The following PI4KA variants were observed in gnomAD, a reference collection of about 807,000 sequenced individuals.
The protein encoded by PI4KA is PI4-kinase alpha.
In PI4KA, 122 loss-of-function variants were observed where a neutral mutation model predicts 271.4. The ratio of observed to expected loss-of-function variants is 0.45; its 90% CI spans 0.39 to 0.52. The LOEUF (loss-of-function observed/expected upper bound fraction) is 0.52. Ranked by LOEUF, PI4KA falls within the 20% of genes least tolerant of loss-of-function variation. PI4KA has a pLI of 0.00. For synonymous variants in PI4KA, 1,041 were observed against 1,078.8 expected (o/e 0.96, Z 0.69); for missense variants, 1,969 against 2,769.1 (o/e 0.71, Z 6.48).
At chr22:20,827,733 T>C (rs1166699940) in intron 3 of PI4KA, among the ~76,000 whole-genome samples, 1 of 152,160 alleles carries the variant, frequency 6.6e-6, no homozygotes, top group Non-Finnish European at 1.5e-5. Flanking sequence ...CTTTCAGCAG[T>C]ATTTTGTAAT....
At chr22:20,769,573 GC>G in intron 19 of PI4KA, among the ~76,000 whole-genome samples, 1 of 152,046 alleles carries the variant, frequency 6.6e-6, no homozygotes, top group East Asian at 1.9e-4. Flanking sequence ...GGAGGCTGAA[GC>G]AGGAGAATCG....
intron 19 of PI4KA, among the ~76,000 whole-genome samples, chr22:20,770,987 T>C (rs1474080197): frequency 6.6e-6 from 1 of 152,080 alleles, no homozygotes; most frequent in Non-Finnish European, 1.5e-5. Flanking sequence ...CAAGACCAAC[T>C]TGGCCAACAT....
chr22:20,797,656 A>T (rs1409430883), intron 17 of PI4KA, among the ~76,000 whole-genome samples: 1 of 152,108 alleles, frequency 6.6e-6, no homozygotes, highest in African/African-American at 2.4e-5. Flanking sequence ...ATGCAATCTC[A>T]TTCCCAACTG....
intron 11 of PI4KA, 110 bp downstream of exon 11, chr22:20,804,864 G>T: frequency 1.1e-6 from 1 of 872,042 alleles, no homozygotes; most frequent in Non-Finnish European, 1.8e-6. Flanking sequence ...GCAACTGCCT[G>T]TGCTGGTAAC....
At chr22:20,739,891 T>C (rs1167364142) in intron 32 of PI4KA, among the ~76,000 whole-genome samples, 2 of 151,932 alleles carry the variant, frequency 1.3e-5, no homozygotes, top group Non-Finnish European at 2.9e-5. Flanking sequence ...GGTGAAACCC[T>C]GTCTGTACAA....
At chr22:20,832,116 CTTTT>C (rs1350841437) in intron 3 of PI4KA, among the ~76,000 whole-genome samples, 3 of 132,412 alleles carry the variant, frequency 2.3e-5, no homozygotes, top group Non-Finnish European at 1.6e-5. Context: ...TTTTGAAATT[CTTTT>C]TTTTTTTTTT....
chr22:20,725,697 C>A (rs1298874372), intron 42 of PI4KA: 1 of 323,116 alleles, frequency 3.1e-6, no homozygotes, highest in South Asian at 2.4e-5. Context: ...GAGTTTGAGA[C>A]CAGCCTGGGA....
At chr22:20,793,977 G>A (rs935556492) in intron 18 of PI4KA, among the ~76,000 whole-genome samples, 5 of 152,190 alleles carry the variant, frequency 3.3e-5, no homozygotes, top group African/African-American at 9.7e-5. Flanking sequence ...TCAGTGCTTC[G>A]CATGCACTAA....
rs570522148 is a variant in PI4KA, at chr22:20,764,172, G to A, written c.2708+645C>T. Among the ~76,000 whole-genome samples the A allele has an allele frequency of 1.9e-3, 287 of 152,272 alleles. 2 individuals are homozygous for A. The highest frequency in any genetic ancestry group is 6.6e-3 in the African/African-American group (274 of 41,544). On this transcript the variant is annotated intron_variant, in intron 22 of 54. Coordinates refer to ENST00000255882, the MANE Select transcript of PI4KA (RefSeq NM_058004.4). ...ATGTACTCAGCTGCTGTCCCAGGGC[G>A]CCTGAGGCCTCAGCACAGTGGGTCT...
chr22:20,849,227 C>A (rs1056025029), intron 1 of PI4KA, among the ~76,000 whole-genome samples: 1 of 152,096 alleles, frequency 6.6e-6, no homozygotes, highest in Admixed American at 6.5e-5. Flanking sequence ...AGAAAACAAG[C>A]CCTCTGTACA....
intron 32 of PI4KA, among the ~76,000 whole-genome samples, chr22:20,741,290 G>C (rs1238816301): frequency 6.6e-6 from 1 of 152,296 alleles, no homozygotes; most frequent in South Asian, 2.1e-4. Flanking sequence ...CTAGGATGCA[G>C]GTGCTCTTGT....
chr22:20,731,218 C>T (rs536468232), intron 36 of PI4KA, among the ~76,000 whole-genome samples: 75 of 152,202 alleles, frequency 4.9e-4, no homozygotes, highest in African/African-American at 1.7e-3. Context: ...AAACAAATAT[C>T]ATAATTTTCT....
At position 20,828,624 on chromosome 22, in the gene PI4KA, G is replaced by A. The variant is rs1401127220; in HGVS notation, c.368-4210C>T. ...GATTGGAGTGCGGTGGCGTGATCTC[G>A]GCTCACTGCAACCTCTGCCTCCCGG... On this transcript the variant is annotated intron_variant, in intron 3 of 54. Transcript: ENST00000255882. Among the ~76,000 whole-genome samples the A allele has an allele frequency of 3.9e-5, 6 of 151,914 alleles. No homozygotes were observed. In the East Asian group the frequency reaches 7.8e-4, roughly 20 times the overall value.
At chr22:20,831,434 G>A (rs1020765745) in intron 3 of PI4KA, among the ~76,000 whole-genome samples, 2 of 152,082 alleles carry the variant, frequency 1.3e-5, no homozygotes, top group African/African-American at 4.8e-5. Context: ...GGGCATGGTG[G>A]TGTGTGCCTG....
intron 4 of PI4KA, among the ~76,000 whole-genome samples, chr22:20,821,048 G>A (rs1038333910): frequency 1.1e-4 from 16 of 152,184 alleles, no homozygotes; most frequent in African/African-American, 2.9e-4. Context: ...GTCTGGAAGT[G>A]TAGTGCTCAG....
In PI4KA at chr22:20,838,805, C is replaced by T. The variant is rs571916837; in HGVS notation, c.157-74G>A. Reference sequence around the variant, plus strand: ...CATTCAAAATAAAGCAAGCTGAGTGCAGTGTCATATGCCTGCAGTACCAGC... The same window carrying T: ...CATTCAAAATAAAGCAAGCTGAGTGTAGTGTCATATGCCTGCAGTACCAGC... On this transcript the variant is annotated intron_variant, in intron 1 of 54. Transcript: ENST00000255882. The T allele has an allele frequency of 2.1e-5, 18 of 862,012 alleles. 1 individual carries two copies. In the African/African-American group the frequency reaches 2.4e-4, roughly 11 times the overall value. The allele number at this position is 862,012 out of a possible 1,614,324, so 53.4% of individuals were successfully genotyped here. A position where few individuals can be genotyped will look rare whatever the true frequency, so the allele number is the denominator to read the frequency against.
intron 4 of PI4KA, among the ~76,000 whole-genome samples, chr22:20,821,249 G>A (rs1226138220): frequency 3.3e-5 from 5 of 152,122 alleles, no homozygotes; most frequent in Admixed American, 1.3e-4. Flanking sequence ...ACGAAGTTTC[G>A]CTCTTGTTGC....
intron 12 of PI4KA, among the ~76,000 whole-genome samples, chr22:20,803,767 C>A (rs1397833848): frequency 6.6e-6 from 1 of 152,224 alleles, no homozygotes; most frequent in Non-Finnish European, 1.5e-5. Context: ...ATCCTCCCAC[C>A]TCTGCCTCCC....
In PI4KA at chr22:20,813,558, A is replaced by G. The variant is rs757892259; in HGVS notation, c.857-52T>C. 3.7e-5 allele frequency: 58 copies of G among 1,575,700 alleles called. No homozygotes were observed. In the Admixed American group the frequency reaches 7.6e-4, roughly 21 times the overall value. On this transcript the variant is annotated intron_variant, in intron 7 of 54. Coordinates refer to ENST00000255882, the MANE Select transcript of PI4KA (RefSeq NM_058004.4). Reference sequence around the variant, plus strand: ...AGCCGTGGTGACAGGCAACTAGGGTACTTCCTCAAGCTGACTCCCCCAATA... The same window carrying G: ...AGCCGTGGTGACAGGCAACTAGGGTGCTTCCTCAAGCTGACTCCCCCAATA...
Sources: gnomAD v4.1 joint callset for allele counts (sites outside exome capture counted in the v4.1 genomes callset) on GRCh38, gnomAD v4.1.1 for gene constraint, MANE v1.5 for transcripts, NCBI Gene and HGNC (gene_info 2026-07-23, HGNC 2026-07-21) for gene names.